The following AAMDC variants were observed in gnomAD, a reference collection of about 807,000 sequenced individuals.
The protein encoded by AAMDC is mth938 domain-containing protein.
A neutral mutation model predicts 15.5 loss-of-function variants in AAMDC; 16 were observed. The observed-to-expected ratio is 1.03, with a 90% CI of 0.70 to 1.57. AAMDC has a LOEUF of 1.57. Ranked by LOEUF, AAMDC falls within the 40% of genes most tolerant of loss-of-function variation. The probability of loss-of-function intolerance (pLI) is 0.00; values close to 1 mark genes in which losing one functional copy is unlikely to be tolerated. For synonymous variants in AAMDC, 51 were observed against 51.6 expected, an observed-to-expected ratio of 0.99 and a Z score of 0.05; for missense variants, 141 against 144.9, an observed-to-expected ratio of 0.97 and a Z score of 0.14.
At chr11:77,849,526 A>AT (rs1179805553) in intron 2 of AAMDC, among the ~76,000 whole-genome samples, 1 of 152,062 alleles carries the variant, frequency 6.6e-6, no homozygotes, top group Non-Finnish European at 1.5e-5. Flanking sequence ...ACCCGGCCTA[A>AT]TTTTTTAATA....
At chr11:77,834,086 T>G (rs1949570702) in intron 1 of AAMDC, among the ~76,000 whole-genome samples, 2 of 152,244 alleles carry the variant, frequency 1.3e-5, no homozygotes, top group African/African-American at 4.8e-5. Flanking sequence ...TGTCTGTTTT[T>G]TATGGTGCTT....
Position 77,821,255 on chromosome 11 carries a change from G to A in AAMDC, c.-19+14G>A. 1 of 232,850 alleles carries A rather than the reference G, an allele frequency of 4.3e-6. No homozygotes were observed. Among genetic ancestry groups the A allele is most frequent in the East Asian group, 8.8e-5 (1 of 11,326 alleles). 14.4% of individuals were successfully genotyped at this position (232,850 alleles called of 1,614,324 possible). ...ACAGTGCGGTGGGTGAGTTTGCGGGGGAATCCTGAAACTGGGCCACGAGAT... is the reference window on the plus strand; with the variant it reads ...ACAGTGCGGTGGGTGAGTTTGCGGGAGAATCCTGAAACTGGGCCACGAGAT... On this transcript the variant is annotated intron_variant, in intron 1 of 3. Coordinates refer to ENST00000393427, the MANE Select transcript of AAMDC (RefSeq NM_024684.4).
In AAMDC at chr11:77,833,004, T is replaced by TAC. The variant is rs1565197499; in HGVS notation, c.-18-9474_-18-9473insCA. ...GTGTGTGTGTGTGTGTGTGTATATA[T>TAC]ATATATTTTTTTTTTTTTTTTTTTT... On this transcript the variant is annotated intron_variant, in intron 1 of 3. Coordinates refer to ENST00000393427, the MANE Select transcript of AAMDC (RefSeq NM_024684.4). 8.2e-4 allele frequency among the ~76,000 whole-genome samples: 75 copies of TAC among 91,268 alleles called. 8 individuals are homozygous for TAC. The highest frequency in any genetic ancestry group is 3.4e-3 in the African/African-American group (71 of 20,742). The allele number at this position is 91,268 out of a possible 152,430, so 59.9% of individuals were successfully genotyped here. A position where few individuals can be genotyped will look rare whatever the true frequency, so the allele number is the denominator to read the frequency against.
chr11:77,878,159 A>C (rs183874503), intron 5 of AAMDC, among the ~76,000 whole-genome samples: 6 of 151,996 alleles, frequency 3.9e-5, no homozygotes, highest in African/African-American at 7.3e-5. Flanking sequence ...TCAGGAGATC[A>C]AGACCATCCT....
chr11:77,875,924 G>A (rs1440393510), downstream of AAMDC, among the ~76,000 whole-genome samples: 1 of 152,154 alleles, frequency 6.6e-6, no homozygotes, highest in African/African-American at 2.4e-5. Context: ...CAGGGAGTAT[G>A]AGGCTGGAAA....
At position 77,844,845 on chromosome 11, in the gene AAMDC, T is replaced by G. The variant is rs148020123; in HGVS notation, c.132+2217T>G. Among the ~76,000 whole-genome samples, 436 of 152,348 alleles carry G rather than the reference T, an allele frequency of 2.9e-3. 5 individuals are homozygous for G. The highest frequency in any genetic ancestry group is 0.01 in the African/African-American group (419 of 41,584). ...GCGCCTCATGATGTAATGATGGAAGTAGATCCTTCATTTTTGAAGAATAGT... is the reference window on the plus strand; with the variant it reads ...GCGCCTCATGATGTAATGATGGAAGGAGATCCTTCATTTTTGAAGAATAGT... On this transcript the variant is annotated intron_variant, in intron 2 of 3. Transcript: ENST00000393427.
intron 5 of AAMDC, among the ~76,000 whole-genome samples, chr11:77,879,674 A>C (rs1266189958): frequency 2.6e-5 from 4 of 152,220 alleles, no homozygotes; most frequent in African/African-American, 9.7e-5. Context: ...TCATTACATT[A>C]TCTTACGATA....
chr11:77,878,789 T>A (rs780796856), intron 5 of AAMDC: 5 of 719,890 alleles, frequency 6.9e-6, no homozygotes, highest in Non-Finnish European at 1.3e-5. Context: ...TATTTTTTAA[T>A]GAAGAAACAA....
At chr11:77,837,851 T>G (rs1949756674) in intron 1 of AAMDC, among the ~76,000 whole-genome samples, 1 of 152,146 alleles carries the variant, frequency 6.6e-6, no homozygotes, top group African/African-American at 2.4e-5. Flanking sequence ...GCCCAGGATT[T>G]GGAGACCAAC....
chr11:77,868,864 T>C (rs1951261034), intron 2 of AAMDC: 2 of 193,996 alleles, frequency 1.0e-5, no homozygotes, highest in Non-Finnish European at 2.2e-5. Context: ...CTAAACATTT[T>C]CCTTCACACA....
At chr11:77,858,339 G>GTTTTTTTTTTT (rs1950725646) in intron 2 of AAMDC, among the ~76,000 whole-genome samples, 1 of 126,838 alleles carries the variant, frequency 7.9e-6, no homozygotes, top group African/African-American at 3.2e-5. Context: ...TAGTTGCAAG[G>GTTTTTTTTTTT]TTTAATAGAG....
intron 5 of AAMDC, among the ~76,000 whole-genome samples, chr11:77,890,934 G>A (rs906700682): frequency 1.6e-4 from 25 of 152,126 alleles, no homozygotes; most frequent in Non-Finnish European, 1.2e-4. Flanking sequence ...TCTGCCAGCC[G>A]ACTGACTCAT....
intron 1 of AAMDC, among the ~76,000 whole-genome samples, chr11:77,827,054 G>A (rs907978929): frequency 4.6e-5 from 7 of 151,996 alleles, no homozygotes; most frequent in African/African-American, 1.7e-4. Context: ...GCAGTGAGCT[G>A]AGATGGGGCC....
intron 2 of AAMDC, among the ~76,000 whole-genome samples, chr11:77,847,934 G>A (rs1443200565): frequency 1.3e-5 from 2 of 152,096 alleles, no homozygotes; most frequent in African/African-American, 4.8e-5. Flanking sequence ...GAGATGAGAT[G>A]TCCCAGTTAA....
Position 77,844,447 on chromosome 11 carries a change from A to G in AAMDC, c.132+1819A>G, listed in dbSNP as rs1267076669. Among the ~76,000 whole-genome samples, 4 of 151,948 alleles carry G rather than the reference A, an allele frequency of 2.6e-5. No individual in the cohort carries two copies. In the South Asian group the frequency reaches 8.3e-4, roughly 32 times the overall value. On this transcript the variant is annotated intron_variant, in intron 2 of 3. Transcript: ENST00000393427. ...GTGAGATCATGGCGCACTGTAGTCTACACCACCTGGGTGAAAGGGATCTTC... is the reference window on the plus strand; with the variant it reads ...GTGAGATCATGGCGCACTGTAGTCTGCACCACCTGGGTGAAAGGGATCTTC...
At chr11:77,829,957 C>T (rs1350383493) in intron 1 of AAMDC, 4 of 152,228 alleles carry the variant, frequency 2.6e-5, no homozygotes, top group East Asian at 3.9e-4. Flanking sequence ...CATAGTGAGA[C>T]CCCATCTCTA....
intron 2 of AAMDC, among the ~76,000 whole-genome samples, chr11:77,858,298 A>AATT (rs1950717516): frequency 8.6e-6 from 1 of 116,456 alleles, no homozygotes; most frequent in African/African-American, 3.4e-5. Flanking sequence ...GCGTTTAAGC[A>AATT]ATTCTTTTTT....
intron 5 of AAMDC, among the ~76,000 whole-genome samples, chr11:77,882,450 T>C (rs1033675686): frequency 1.3e-5 from 2 of 152,132 alleles, no homozygotes; most frequent in African/African-American, 4.8e-5. Flanking sequence ...ATACTGTAAT[T>C]TGCTTTCCTG....
chr11:77,886,639 A>G (rs1952020913), intron 5 of AAMDC, among the ~76,000 whole-genome samples: 1 of 152,198 alleles, frequency 6.6e-6, no homozygotes, highest in African/African-American at 2.4e-5. Flanking sequence ...GCGAAACCAC[A>G]GCCAAGGGAA....
Sources: gnomAD v4.1 joint callset for allele counts (sites outside exome capture counted in the v4.1 genomes callset) on GRCh38, gnomAD v4.1.1 for gene constraint, MANE v1.5 for transcripts, NCBI Gene and HGNC (gene_info 2026-07-23, HGNC 2026-07-21) for gene names.